Variants in CHERP observed in about 807,000 individuals in gnomAD.
CHERP encodes the protein ERPROT 213-21.
CHERP carries 8 observed loss-of-function variants against 113.8 expected under a neutral mutation model. The observed-to-expected ratio is 0.07, with a 90% CI of 0.04 to 0.13. The LOEUF (loss-of-function observed/expected upper bound fraction) is 0.13, where lower values mean the gene tolerates loss of function less well. Among genes scored for constraint, CHERP ranks in the 10% least tolerant of loss-of-function variants. The pLI is 1.00. For missense variants in CHERP, 884 were observed against 1,298.2 expected (o/e 0.68, Z 4.90); for synonymous variants, 559 against 524.5 (o/e 1.07, Z -0.90).
intron 2 of CHERP, among the ~76,000 whole-genome samples, chr19:16,541,006 G>A (rs2085775679): frequency 1.3e-5 from 2 of 152,054 alleles, no homozygotes; most frequent in African/African-American, 4.8e-5. Context: ...CTCCTTTCAA[G>A]CTGTTTAATC....
Position 16,525,465 on chromosome 19 carries a change from GC to G in CHERP, c.1517del (p.Gly506AlafsTer149). 1 of 1,549,636 alleles carries G rather than the reference GC, an allele frequency of 6.5e-7. No individual in the cohort carries two copies. The highest frequency in any genetic ancestry group is 8.7e-7 in the Non-Finnish European group (1 of 1,147,598). ...GGAAGGGTGGCTCGCGCTGGCCCCC[GC>G]CCCAGGGCGGCTGCTCGTGCTGGCT... ...WNSQHEQPPWGGGQREPPFRM... is the reference protein window; with the variant it reads ...WNSQHEQPPWXGGQREPPFRM... On this transcript the variant is annotated frameshift_variant, in exon 10 of 17. Transcript: ENST00000546361. LOFTEE classifies it high-confidence loss of function. The surrounding 1 kb of genome is among the most constrained non-coding windows in gnomAD (Gnocchi z 6.5).
At chr19:16,537,283 C>T (rs1338533974) in intron 2 of CHERP, among the ~76,000 whole-genome samples, 2 of 151,888 alleles carry the variant, frequency 1.3e-5, no homozygotes, top group African/African-American at 4.8e-5. Flanking sequence ...CCCTCAGTCC[C>T]TTTCTCCCCC....
At position 16,525,303 on chromosome 19, in the gene CHERP, G is replaced by T; in HGVS notation, c.1680C>A (p.His560Gln). The T allele has an allele frequency of 6.9e-7, 1 of 1,453,554 alleles. No homozygotes were observed. Among genetic ancestry groups the T allele is most frequent in the African/African-American group, 1.5e-5 (1 of 68,802 alleles). The allele number at this position is 1,453,554 out of a possible 1,614,324, so 90.0% of individuals were successfully genotyped here. A position where few individuals can be genotyped will look rare whatever the true frequency, so the allele number is the denominator to read the frequency against. ...RFMQDDFPPR[H>Q]PFERPPYPHR... ...GGGGATAGGGCGGCCGCTCGAAGGG[G>T]TGCCGTGGCGGGAAGTCGTCCTGCA... The change falls in exon 10 of 17, where the codon CAC becomes CAA. Residue 560 changes from histidine to glutamine, a missense_variant. Physicochemically the swap from His to Gln is conservative, Grantham distance 24. Around this residue, in one of 8 missense-constraint regions of CHERP, gnomAD observed 464 missense variants for 590.1 expected, o/e 0.79. Coordinates refer to ENST00000546361, the MANE Select transcript of CHERP (RefSeq NM_006387.6). This position sits in a 1 kb window ranked among gnomAD's most constrained non-coding sequence, Gnocchi z 6.5.
rs1211573562 is a variant in CHERP at position 16,528,229 on chromosome 19, G to C, written c.1156C>G (p.Pro386Ala). Residue 386 changes from proline to alanine, a missense_variant, in exon 9 of 17, where the codon CCT (proline) becomes GCT (alanine). Physicochemically the swap from Pro to Ala is conservative, Grantham distance 27. Around this residue, in one of 8 missense-constraint regions of CHERP, gnomAD observed 464 missense variants for 590.1 expected, o/e 0.79. Transcript: ENST00000546361. ...PDDSKPPIQMPGSSEYEAPGG... is the reference protein window; with the variant it reads ...PDDSKPPIQMAGSSEYEAPGG... ...GGAGCTTCGTACTCTGAAGAGCCAG[G>C]CATCTGGATGGGAGGCTTGCTGTCA... is the stretch of plus-strand genomic sequence containing the variant. 1.3e-6 allele frequency: 2 copies of C among 1,594,548 alleles called. No homozygotes were observed. The highest frequency in any genetic ancestry group is 1.8e-5 in the Admixed American group (1 of 54,892).
At position 16,541,858 on chromosome 19, in the gene CHERP, G is replaced by C. The variant is rs1205157538; in HGVS notation, c.199+12C>G. On this transcript the variant is annotated intron_variant, in intron 2 of 16. Transcript: ENST00000546361. ...GCTCGATGGGACGGCCTGAGTGCCGGAGGGGACTCACGCTGCTGCTGCTCC... is the reference window on the plus strand; with the variant it reads ...GCTCGATGGGACGGCCTGAGTGCCGCAGGGGACTCACGCTGCTGCTGCTCC... The C allele has an allele frequency of 5.0e-6, 8 of 1,610,362 alleles. No individual in the cohort carries two copies. The highest frequency in any genetic ancestry group is 1.3e-5 in the African/African-American group (1 of 74,772).
In CHERP at chr19:16,525,591, G is replaced by A. The variant is rs1334598965; in HGVS notation, c.1392C>T (p.Gly464=). The change falls in exon 10 of 17, where the codon GGC becomes GGT. Residue 464 remains glycine (G), a synonymous_variant. Transcript: ENST00000546361. The surrounding 1 kb of genome is among the most constrained non-coding windows in gnomAD (Gnocchi z 6.5). ...PWNNSHEGMW[G]EQRGDPGWNG... ...TCCAGCCGGGGTCACCGCGCTGCTCGCCCCACATGCCCTCATGGCTGTTGT... is the reference window on the plus strand; with the variant it reads ...TCCAGCCGGGGTCACCGCGCTGCTCACCCCACATGCCCTCATGGCTGTTGT... The A allele has an allele frequency of 1.3e-6, 2 of 1,536,898 alleles. No homozygotes were observed. The highest frequency in any genetic ancestry group is 1.2e-5 in the South Asian group (1 of 83,752).
rs941156464 is a variant in CHERP, at chr19:16,517,906, G to A, written c.*1253C>T. On this transcript the variant is annotated 3_prime_UTR_variant, in exon 17 of 17. Transcript: ENST00000546361. ...TGCGGGAGAAAGGTCTTTAAAAAAA[G>A]GCTTTATTTGAAGGCAAAACAATGA... 1.3e-5 allele frequency: 2 copies of A among 152,264 alleles called. No homozygotes were observed. The highest frequency in any genetic ancestry group is 2.4e-5 in the African/African-American group (1 of 41,440). The allele number at this position is 152,264 out of a possible 1,614,324, so 9.4% of individuals were successfully genotyped here. A position where few individuals can be genotyped will look rare whatever the true frequency, so the allele number is the denominator to read the frequency against.
chr19:16,519,377 C>T lies in CHERP; in HGVS notation c.2558-25G>A, dbSNP rs777229153. On this transcript the variant is annotated intron_variant, in intron 16 of 16. Transcript: ENST00000546361. The surrounding 1 kb of genome is among the most constrained non-coding windows in gnomAD (Gnocchi z 6.0). ...CCTGGAAACAGAGACGCAGTCACAA[C>T]CACAACAAGGCGGAGGCAGATGGGG... 9 of 1,605,448 alleles carry T rather than the reference C, an allele frequency of 5.6e-6. No individual in the cohort carries two copies. The East Asian group carries it at 1.1e-4, about 20-fold the overall frequency.
intron 3 of CHERP, among the ~76,000 whole-genome samples, chr19:16,534,558 C>G (rs1457455314): frequency 3.3e-5 from 5 of 152,158 alleles, no homozygotes; most frequent in Non-Finnish European, 7.3e-5. Context: ...CTCATGCAAC[C>G]TTTTCCTCCC....
At chr19:16,528,500 G>A (rs1379123688) in intron 8 of CHERP, among the ~76,000 whole-genome samples, 1 of 152,206 alleles carries the variant, frequency 6.6e-6, no homozygotes, top group African/African-American at 2.4e-5. Context: ...CCTCACTTCT[G>A]CCTTCTTGGT....
Position 16,542,407 on chromosome 19 carries a change from C to A in CHERP, c.-29G>T. ...TCCGGCCGCGGGGAACGTCCTCCGG[C>A]GCCACACGATCGACCACCAGCGCCG... On this transcript the variant is annotated 5_prime_UTR_variant, in exon 1 of 17. Coordinates refer to ENST00000546361, the MANE Select transcript of CHERP (RefSeq NM_006387.6). 1 of 1,349,378 alleles carries A rather than the reference C, an allele frequency of 7.4e-7. No individual in the cohort carries two copies. The highest frequency in any genetic ancestry group is 9.6e-7 in the Non-Finnish European group (1 of 1,043,284). 83.6% of individuals were successfully genotyped at this position (1,349,378 alleles called of 1,614,324 possible).
In CHERP at chr19:16,525,816, T is replaced by A; in HGVS notation, c.1306-139A>T. 2 of 728,874 alleles carry A rather than the reference T, an allele frequency of 2.7e-6. No individual in the cohort carries two copies. The highest frequency in any genetic ancestry group is 4.8e-5 in the South Asian group (2 of 41,832). The allele number at this position is 728,874 out of a possible 1,614,324, so 45.2% of individuals were successfully genotyped here. ...GGCCACGTTGAGGCGCCTCCTACGC[T>A]GACGCCTGCGAGGATGCTGGGCACC... On this transcript the variant is annotated intron_variant, in intron 9 of 16. Coordinates refer to ENST00000546361, the MANE Select transcript of CHERP (RefSeq NM_006387.6). The surrounding 1 kb of genome is among the most constrained non-coding windows in gnomAD (Gnocchi z 6.5).
At chr19:16,537,312 G>A (rs116367372) in intron 2 of CHERP, among the ~76,000 whole-genome samples, 1,791 of 151,426 alleles carry the variant, frequency 0.012, 36 homozygotes, top group African/African-American at 0.041. Context: ...CCCCTCTCCC[G>A]TTGGACCCTC....
At position 16,519,689 on chromosome 19, in the gene CHERP, G is replaced by C; in HGVS notation, c.2489C>G (p.Ser830Trp). ...PPSSAGLGSN[S>W]APPIPDSRLG... ...CCTTGAGTCAGGGATGGGAGGCGCC[G>C]AATTAGAACCCAGACCAGCAGAGGA... Residue 830 changes from serine to tryptophan, a missense_variant, in exon 16 of 17, where the codon TCG (serine) becomes TGG (tryptophan). Ser to Trp is a radical substitution (Grantham distance 177). Around this residue, in one of 8 missense-constraint regions of CHERP, gnomAD observed 159 missense variants for 185.8 expected, o/e 0.86. Transcript: ENST00000546361. This position sits in a 1 kb window ranked among gnomAD's most constrained non-coding sequence, Gnocchi z 6.0. The C allele has an allele frequency of 6.2e-7, 1 of 1,613,904 alleles. No individual in the cohort carries two copies. The highest frequency in any genetic ancestry group is 1.1e-5 in the South Asian group (1 of 91,072).
At chr19:16,522,768 C>T (rs1289892190) in intron 11 of CHERP, among the ~76,000 whole-genome samples, 2 of 152,092 alleles carry the variant, frequency 1.3e-5, no homozygotes, top group East Asian at 3.9e-4. Context: ...CCAAGAAGGA[C>T]GAAGAGAGGA....
chr19:16,524,962 G>A (rs369248185), intron 10 of CHERP, among the ~76,000 whole-genome samples: 2 of 152,230 alleles, frequency 1.3e-5, no homozygotes, highest in South Asian at 2.1e-4. Flanking sequence ...TAAAAAGAAC[G>A]AGGCCCCGCC....
intron 10 of CHERP, among the ~76,000 whole-genome samples, chr19:16,524,481 G>A (rs2085642675): frequency 6.6e-6 from 1 of 151,702 alleles, no homozygotes; most frequent in Admixed American, 6.6e-5. Context: ...ATCTGAATCT[G>A]GGAGGCGGAG....
intron 2 of CHERP, chr19:16,541,630 A>G (rs1280209313): frequency 8.8e-6 from 4 of 454,182 alleles, no homozygotes; most frequent in Non-Finnish European, 1.6e-5. Context: ...AACAACAGCA[A>G]AATCCCTGAT....
At chr19:16,536,188 T>C (rs558209234) in intron 2 of CHERP, among the ~76,000 whole-genome samples, 2 of 152,294 alleles carry the variant, frequency 1.3e-5, no homozygotes, top group East Asian at 1.9e-4. Context: ...CTGACTCTCC[T>C]TGCTTCTCCA....
Sources: allele counts gnomAD v4.1 joint callset (sites outside exome capture counted in the v4.1 genomes callset), GRCh38; gene constraint gnomAD v4.1.1; regional missense constraint gnomAD v4.1.1; non-coding constraint Gnocchi (gnomAD v3.1); transcripts MANE v1.5; gene names NCBI Gene and HGNC (gene_info 2026-07-23, HGNC 2026-07-21).